Variants in NDUFV2 observed in about 807,000 individuals in gnomAD.
NDUFV2 encodes the protein NADH:ubiquinone oxidoreductase core subunit V2.
NDUFV2 carries 18 observed loss-of-function variants against 31.6 expected under a neutral mutation model. The observed-to-expected ratio is 0.57, with a 90% CI of 0.39 to 0.84. The LOEUF (loss-of-function observed/expected upper bound fraction) is 0.84. NDUFV2 is among the 40% of genes least tolerant of loss of function. NDUFV2 has a pLI of 0.00. For synonymous variants in NDUFV2, 83 were observed against 99.8 expected (o/e 0.83, Z 1.01); for missense variants, 314 against 303.6 (o/e 1.03, Z -0.26).
intron 1 of NDUFV2, 114 bp from the exon 2 acceptor site, chr18:9,117,724 A>G: frequency 1.5e-6 from 1 of 687,842 alleles, no homozygotes; most frequent in Non-Finnish European, 2.6e-6. Context: ...ATATTTCTTA[A>G]GATCTTTTAT....
chr18:9,111,735 A>T (rs2077871305), intron 1 of NDUFV2, among the ~76,000 whole-genome samples: 1 of 151,860 alleles, frequency 6.6e-6, no homozygotes, highest in African/African-American at 2.4e-5. Context: ...GGCCTGAAGT[A>T]CATCTTTTAA....
At chr18:9,108,619 T>C (rs548479709) in intron 1 of NDUFV2, among the ~76,000 whole-genome samples, 2 of 152,266 alleles carry the variant, frequency 1.3e-5, no homozygotes, top group Admixed American at 6.5e-5. Context: ...TGAAATAGAT[T>C]TCACAATTAT....
Position 9,124,995 on chromosome 18 carries a change from A to AG in NDUFV2, c.579+14dup. The AG allele has an allele frequency of 6.2e-7, 1 of 1,611,692 alleles. No individual in the cohort carries two copies. The highest frequency in any genetic ancestry group is 8.5e-7 in the Non-Finnish European group (1 of 1,178,218). On this transcript the variant is annotated intron_variant, in intron 6 of 7. Transcript: ENST00000318388. ...ATGACAATTACTATGTGAGTATTTC[A>AG]GGTAATACAAGTTAAAGTTGTATGA...
chr18:9,129,942 T>C lies in NDUFV2; in HGVS notation c.656+3035T>C, dbSNP rs186120583. ...ATATGTGGGACTAAGGATTTATGAG[T>C]GATTTTCAGCTTTTTGGCTTGAGCA... is the stretch of plus-strand genomic sequence containing the variant. On this transcript the variant is annotated intron_variant, in intron 7 of 7. Coordinates refer to ENST00000318388, the MANE Select transcript of NDUFV2 (RefSeq NM_021074.5). Among the ~76,000 whole-genome samples the C allele has an allele frequency of 1.3e-5, 2 of 152,272 alleles. 1 individual carries two copies. The highest frequency in any genetic ancestry group is 4.8e-5 in the African/African-American group (2 of 41,540).
intron 1 of NDUFV2, 124 bp from the exon 2 acceptor site, chr18:9,117,714 A>G (rs1391144403): frequency 7.5e-6 from 5 of 662,948 alleles, no homozygotes; most frequent in South Asian, 1.7e-5. Flanking sequence ...GTAGAATACC[A>G]TATTTCTTAA....
chr18:9,104,048 T>TTA (rs745724897), intron 1 of NDUFV2: 2 of 1,155,252 alleles, frequency 1.7e-6, no homozygotes, highest in Non-Finnish European at 2.5e-6. Context: ...AAGTACAGTG[T>TTA]TAGAGAGATG....
chr18:9,129,233 G>A (rs1241956098), intron 7 of NDUFV2, among the ~76,000 whole-genome samples: 1 of 152,084 alleles, frequency 6.6e-6, no homozygotes, highest in East Asian at 1.9e-4. Flanking sequence ...GAGCCACCAC[G>A]CCCGGCCACT....
rs2078023340 is a variant in NDUFV2, at chr18:9,129,681, G to A, written c.656+2774G>A. ...AAGAGCTGAAGGAACAATGTTCCAG[G>A]GAGGGGAAAGAGGATGTATCAGGGT... On this transcript the variant is annotated intron_variant, in intron 7 of 7. Coordinates refer to ENST00000318388, the MANE Select transcript of NDUFV2 (RefSeq NM_021074.5). Among the ~76,000 whole-genome samples, 7 of 152,178 alleles carry A rather than the reference G, an allele frequency of 4.6e-5. 1 individual carries two copies. The South Asian group carries it at 1.4e-3, about 32-fold the overall frequency.
chr18:9,115,336 C>T (rs2077892746), intron 1 of NDUFV2, among the ~76,000 whole-genome samples: 1 of 151,680 alleles, frequency 6.6e-6, no homozygotes, highest in South Asian at 2.1e-4. Flanking sequence ...TTTTGTTTAA[C>T]CCTGATTCCA....
intron 1 of NDUFV2, chr18:9,117,343 C>CT (rs1195787981): frequency 6.4e-6 from 1 of 156,504 alleles, no homozygotes; most frequent in African/African-American, 2.4e-5. Context: ...CCAGAAACTA[C>CT]TTTTTACGGC....
intron 7 of NDUFV2, among the ~76,000 whole-genome samples, chr18:9,133,199 T>C (rs868753369): frequency 6.6e-6 from 1 of 152,230 alleles, no homozygotes; most frequent in Non-Finnish European, 1.5e-5. Flanking sequence ...AAAGGATTGA[T>C]GACACAATGT....
At chr18:9,133,663 T>C (rs2078059595) in intron 7 of NDUFV2, among the ~76,000 whole-genome samples, 1 of 152,240 alleles carries the variant, frequency 6.6e-6, no homozygotes, top group Non-Finnish European at 1.5e-5. Context: ...AAATACAATG[T>C]ATAAGTGTGT....
At chr18:9,134,151 A>C (rs748993807) in intron 7 of NDUFV2, 35 bp from the exon 8 acceptor site, 1 of 1,511,704 alleles carries the variant, frequency 6.6e-7, no homozygotes, top group Non-Finnish European at 9.2e-7. Flanking sequence ...TACAAATGTT[A>C]ATCATTAATA....
intron 1 of NDUFV2, chr18:9,103,208 G>A (rs1234671506): frequency 2.5e-6 from 1 of 399,182 alleles, no homozygotes. Context: ...ATACTGGAGA[G>A]CTCTGGCTTG....
At chr18:9,125,117 G>A (rs2144752548) in intron 6 of NDUFV2, 134 bp downstream of exon 6, 23 of 967,128 alleles carry the variant, frequency 2.4e-5, no homozygotes, top group East Asian at 8.8e-5. Flanking sequence ...TAAATATCCA[G>A]GTTTTAAAAA....
intron 2 of NDUFV2, among the ~76,000 whole-genome samples, chr18:9,118,625 A>G (rs535892568): frequency 1.3e-5 from 2 of 152,208 alleles, no homozygotes; most frequent in East Asian, 1.9e-4. Flanking sequence ...CAAGAGATTC[A>G]TTTCTGTATT....
chr18:9,104,994 T>C (rs1232770757), intron 1 of NDUFV2: 9 of 1,531,294 alleles, frequency 5.9e-6, no homozygotes, highest in South Asian at 5.0e-5. Context: ...TTATACTGTT[T>C]GGTAGCCTGC....
intron 5 of NDUFV2, among the ~76,000 whole-genome samples, chr18:9,124,148 A>C (rs2077965115): frequency 6.6e-6 from 1 of 151,856 alleles, no homozygotes; most frequent in South Asian, 2.1e-4. Flanking sequence ...GAACAAGTCC[A>C]CTAAAAACTT....
intron 7 of NDUFV2, among the ~76,000 whole-genome samples, chr18:9,132,809 A>G (rs1220616513): frequency 6.6e-6 from 1 of 152,246 alleles, no homozygotes; most frequent in Non-Finnish European, 1.5e-5. Context: ...TGGGAGGTTA[A>G]GACTGCAGTG....
Sources: allele counts gnomAD v4.1 joint callset (sites outside exome capture counted in the v4.1 genomes callset), GRCh38; gene constraint gnomAD v4.1.1; transcripts MANE v1.5; gene names NCBI Gene and HGNC (gene_info 2026-07-23, HGNC 2026-07-21).